Variants in WWP2 observed in about 807,000 individuals in gnomAD.
The protein encoded by WWP2 is NEDD4-like E3 ubiquitin-protein ligase WWP2.
In WWP2, 57 loss-of-function variants were observed where a neutral mutation model predicts 121.0. The ratio of observed to expected loss-of-function variants is 0.47; its 90% CI spans 0.38 to 0.59. The LOEUF (loss-of-function observed/expected upper bound fraction) is 0.59, where lower values mean the gene tolerates loss of function less well. WWP2 is among the 20% of genes least tolerant of loss of function. The probability of loss-of-function intolerance (pLI) is 0.00; values close to 1 mark genes in which losing one functional copy is unlikely to be tolerated. For missense variants in WWP2, 962 were observed against 1,158.9 expected, an observed-to-expected ratio of 0.83 and a Z score of 2.47; for synonymous variants, 449 against 441.3, an observed-to-expected ratio of 1.02 and a Z score of -0.22.
At chr16:69,938,141 T>G (rs1428497785) in intron 21 of WWP2, among the ~76,000 whole-genome samples, 1 of 152,224 alleles carries the variant, frequency 6.6e-6, no homozygotes, top group Non-Finnish European at 1.5e-5. Context: ...ACAAATTTTT[T>G]GTGGAGGTGA....
intron 2 of WWP2, among the ~76,000 whole-genome samples, chr16:69,789,292 C>T (rs577779229): frequency 5.9e-5 from 9 of 152,064 alleles, no homozygotes; most frequent in Non-Finnish European, 1.3e-4. Flanking sequence ...TGCAGTGGTG[C>T]GATCTCGACT....
chr16:69,835,198 G>C (rs2056853628), intron 4 of WWP2, among the ~76,000 whole-genome samples: 1 of 152,200 alleles, frequency 6.6e-6, no homozygotes, highest in Admixed American at 6.5e-5. Context: ...CCTCTGTAGA[G>C]CCGTCTGCAC....
chr16:69,776,567 C>T (rs1036985042), intron 1 of WWP2, among the ~76,000 whole-genome samples: 9 of 152,162 alleles, frequency 5.9e-5, no homozygotes, highest in South Asian at 2.1e-4. Flanking sequence ...CAGTGGCTTA[C>T]GCCTGTAATC....
chr16:69,902,067 A>G (rs1180853350), intron 8 of WWP2, among the ~76,000 whole-genome samples: 2 of 152,248 alleles, frequency 1.3e-5, no homozygotes, highest in African/African-American at 2.4e-5. Context: ...TGGTTCAAAC[A>G]GGTGAATCTG....
intron 6 of WWP2, among the ~76,000 whole-genome samples, chr16:69,870,042 G>C (rs529987693): frequency 2.4e-4 from 36 of 152,158 alleles, no homozygotes; most frequent in Non-Finnish European, 5.0e-4. Context: ...TCTGACCTAA[G>C]AGCCTAGGCT....
intron 4 of WWP2, among the ~76,000 whole-genome samples, chr16:69,824,767 C>CT (rs34154307): frequency 0.014 from 1,140 of 82,790 alleles, 37 homozygotes; most frequent in Non-Finnish European, 0.016. Flanking sequence ...GCACCTGTGG[C>CT]TTTTTTTTTT....
chr16:69,939,937 G>T lies in WWP2; in HGVS notation c.2610G>T (p.Glu870Asp). 1 of 1,613,092 alleles carries T rather than the reference G, an allele frequency of 6.2e-7. No homozygotes were observed. Among genetic ancestry groups the T allele is most frequent in the South Asian group, 1.1e-5 (1 of 90,932 alleles). Residue 870 changes from glutamate (E) to aspartate (D), a missense_variant, in exon 24 of 24, where the codon GAG (glutamate) becomes GAT (aspartate). Physicochemically the swap from Glu to Asp is conservative, Grantham distance 45. Around this residue, in one of 3 missense-constraint regions of WWP2, gnomAD observed 606 missense variants for 772.6 expected, o/e 0.78. Coordinates refer to ENST00000359154, the MANE Select transcript of WWP2 (RefSeq NM_001270454.2). ...AIEETEGFGQ[E>D] is the part of the protein sequence containing the mutation. ...AGGAGACCGAGGGCTTTGGACAGGA[G>T]TAACCGAGGCCGCCCCTCCCACGCC...
chr16:69,891,182 C>G (rs1193140268), intron 8 of WWP2, among the ~76,000 whole-genome samples: 2 of 152,170 alleles, frequency 1.3e-5, no homozygotes, highest in African/African-American at 4.8e-5. Flanking sequence ...AGAGAGAGTA[C>G]TATTTCTGCC....
intron 6 of WWP2, among the ~76,000 whole-genome samples, chr16:69,864,662 G>A (rs1381040745): frequency 1.3e-5 from 2 of 151,158 alleles, no homozygotes; most frequent in African/African-American, 2.4e-5. Flanking sequence ...GCGATCTCCT[G>A]CCTCAGCCTC....
chr16:69,791,187 C>T (rs1188705856), intron 2 of WWP2, among the ~76,000 whole-genome samples: 1 of 151,880 alleles, frequency 6.6e-6, no homozygotes, highest in Non-Finnish European at 1.5e-5. Flanking sequence ...GTTTTGGGGC[C>T]ATGTTATTCA....
At chr16:69,828,044 G>T (rs928594918) in intron 4 of WWP2, 3 of 388,346 alleles carry the variant, frequency 7.7e-6, no homozygotes, top group Admixed American at 6.8e-5. Context: ...TGGGTAACTG[G>T]TGCTGAATTG....
chr16:69,931,337 A>C lies in WWP2; in HGVS notation c.1521+110A>C, dbSNP rs936020998. 7 of 1,506,256 alleles carry C rather than the reference A, an allele frequency of 4.6e-6. No homozygotes were observed. The Admixed American group carries it at 5.4e-5, about 12-fold the overall frequency. The allele number at this position is 1,506,256 out of a possible 1,614,324, so 93.3% of individuals were successfully genotyped here. On this transcript the variant is annotated intron_variant, in intron 14 of 23. Coordinates refer to ENST00000359154, the MANE Select transcript of WWP2 (RefSeq NM_001270454.2). ...GAATGTTTGTGTCTTAGGCGGGCGC[A>C]AGACACTTGTCTAACCCGGAGCTGG...
intron 8 of WWP2, among the ~76,000 whole-genome samples, chr16:69,903,596 A>C (rs1190101658): frequency 6.6e-6 from 1 of 151,988 alleles, no homozygotes; most frequent in Non-Finnish European, 1.5e-5. Context: ...GTGAAACCCC[A>C]TCTCTACTAA....
In WWP2 at chr16:69,862,811, G is replaced by A. The variant is rs1455595719; in HGVS notation, c.576-8993G>A. 4.2e-5 allele frequency among the ~76,000 whole-genome samples: 6 copies of A among 142,324 alleles called. No homozygotes were observed. The Admixed American group carries it at 4.6e-4, about 11-fold the overall frequency. 93.4% of individuals were successfully genotyped at this position (142,324 alleles called of 152,430 possible). ...TGTGATCACAGCTCACTGCGGCCTC[G>A]ACCTCCCCAGCTCAAATGATTCTCC... On this transcript the variant is annotated intron_variant, in intron 6 of 23. Transcript: ENST00000359154.
chr16:69,765,253 T>C (rs189752856), intron 1 of WWP2, among the ~76,000 whole-genome samples: 14 of 152,238 alleles, frequency 9.2e-5, no homozygotes, highest in African/African-American at 2.2e-4. Context: ...TCTTTTTTTT[T>C]CCCACTTAAC....
chr16:69,861,099 C>T (rs1159777099), intron 6 of WWP2, among the ~76,000 whole-genome samples: 1 of 152,190 alleles, frequency 6.6e-6, no homozygotes, highest in East Asian at 1.9e-4. Flanking sequence ...TGGGGATGCT[C>T]ATCTCCTAAG....
In WWP2 at chr16:69,917,668, T is replaced by C. The variant is rs1158444163; in HGVS notation, c.1005-41T>C. 3.8e-6 allele frequency: 6 copies of C among 1,587,532 alleles called. No individual in the cohort carries two copies. In the East Asian group the frequency reaches 9.1e-5, roughly 24 times the overall value. On this transcript the variant is annotated intron_variant, in intron 9 of 23. Coordinates refer to ENST00000359154, the MANE Select transcript of WWP2 (RefSeq NM_001270454.2). ...CTTTTCTAGAATTGGGGGATGGGAGTGGGGTGGTCATTATATTCATTCTGA... is the reference window on the plus strand; with the variant it reads ...CTTTTCTAGAATTGGGGGATGGGAGCGGGGTGGTCATTATATTCATTCTGA...
chr16:69,897,100 T>C (rs1355450809), intron 8 of WWP2, among the ~76,000 whole-genome samples: 1 of 152,024 alleles, frequency 6.6e-6, no homozygotes, highest in Non-Finnish European at 1.5e-5. Context: ...CCGTCTTTTT[T>C]TTTTTGTTTG....
intron 2 of WWP2, among the ~76,000 whole-genome samples, chr16:69,795,991 C>T (rs1403669003): frequency 6.6e-6 from 1 of 151,402 alleles, no homozygotes; most frequent in African/African-American, 2.4e-5. Flanking sequence ...TAGATTGGGG[C>T]CTGGACCAGA....
Sources: allele counts gnomAD v4.1 joint callset (sites outside exome capture counted in the v4.1 genomes callset), GRCh38; gene constraint gnomAD v4.1.1; regional missense constraint gnomAD v4.1.1; transcripts MANE v1.5; gene names NCBI Gene and HGNC (gene_info 2026-07-23, HGNC 2026-07-21).